The following UNC45B variants were observed in gnomAD, a reference collection of about 807,000 sequenced individuals.
UNC45B encodes protein unc-45 homolog B.
In UNC45B, 78 loss-of-function variants were observed where a neutral mutation model predicts 98.7. The observed-to-expected ratio is 0.79, with a 90% confidence interval of 0.66 to 0.95. The LOEUF is 0.95. Ranked by LOEUF, UNC45B falls within the 40% of genes least tolerant of loss-of-function variation. The pLI is 0.00. For missense variants in UNC45B, 1,225 were observed against 1,184.9 expected, an observed-to-expected ratio of 1.03 and a Z score of -0.50; for synonymous variants, 462 against 480.4, an observed-to-expected ratio of 0.96 and a Z score of 0.50.
rs369703871 is a variant in UNC45B, at chr17:35,180,706, G to A, written c.2373+30G>A. The A allele has an allele frequency of 1.5e-4, 239 of 1,589,214 alleles. 1 individual carries two copies. The highest frequency in any genetic ancestry group is 1.9e-4 in the Non-Finnish European group (217 of 1,160,012). ...GGCAGGGGCTCAGGATGGAGACCCGGGCGTGATCAAGGCACGAGAGGCAGG... is the reference window on the plus strand; with the variant it reads ...GGCAGGGGCTCAGGATGGAGACCCGAGCGTGATCAAGGCACGAGAGGCAGG... On this transcript the variant is annotated intron_variant, in intron 18 of 19. Coordinates refer to ENST00000394570, the MANE Select transcript of UNC45B (RefSeq NM_001267052.2).
intron 3 of UNC45B, 59 bp from the exon 4 acceptor site, chr17:35,149,989 G>T: frequency 7.4e-6 from 11 of 1,489,314 alleles, no homozygotes; most frequent in Non-Finnish European, 9.8e-6. Flanking sequence ...TGGGGCAGTG[G>T]GGCTGGTGGT....
chr17:35,154,985 G>C (rs2092048248), intron 6 of UNC45B, among the ~76,000 whole-genome samples: 1 of 152,220 alleles, frequency 6.6e-6, no homozygotes, highest in Non-Finnish European at 1.5e-5. Context: ...TTCATGCTAA[G>C]TCTTTGAAAC....
chr17:35,157,211 C>A (rs1174515361), intron 7 of UNC45B, among the ~76,000 whole-genome samples: 1 of 151,844 alleles, frequency 6.6e-6, no homozygotes, highest in Non-Finnish European at 1.5e-5. Flanking sequence ...TCTATGCTTG[C>A]ATTTATAATT....
rs34242925 is a variant in UNC45B at position 35,180,630 on chromosome 17, G to A, written c.2327G>A (p.Arg776Gln). ...ATGTTTGAGAATCATGATCAGCTGC[G>A]GCAGGCGGCCACCGAGTGCATGTGC... ...NYMFENHDQL[R>Q]QAATECMCNM... The change falls in exon 18 of 20, where the codon CGG (arginine) becomes CAG (glutamine). Residue 776 changes from arginine (R) to glutamine (Q), a missense_variant. By Grantham distance (43) the Arg-to-Gln change is conservative. Coordinates refer to ENST00000394570, the MANE Select transcript of UNC45B (RefSeq NM_001267052.2). The A allele has an allele frequency of 8.9e-5, 144 of 1,613,664 alleles. No homozygotes were observed. Among genetic ancestry groups the A allele is most frequent in the African/African-American group, 6.8e-4 (51 of 74,884 alleles).
chr17:35,182,976 T>C lies in UNC45B; in HGVS notation c.2374-451T>C, dbSNP rs532982350. On this transcript the variant is annotated intron_variant, in intron 18 of 19. Transcript: ENST00000394570. ...ATCTCTCACCTGGTGGAGACGGCAC[T>C]GTAGCTTTCTAATACCAAGCAAACC... is the stretch of plus-strand genomic sequence containing the variant. Among the ~76,000 whole-genome samples, 255 of 152,116 alleles carry C rather than the reference T, an allele frequency of 1.7e-3. 1 individual carries two copies. Among genetic ancestry groups the C allele is most frequent in the African/African-American group, 6.0e-3 (249 of 41,482 alleles).
intron 3 of UNC45B, 60 bp from the exon 4 acceptor site, chr17:35,149,988 G>A: frequency 6.7e-7 from 1 of 1,487,162 alleles, no homozygotes; most frequent in East Asian, 2.4e-5. Context: ...TTGGGGCAGT[G>A]GGGCTGGTGG....
intron 18 of UNC45B, among the ~76,000 whole-genome samples, chr17:35,182,195 T>C (rs2092278271): frequency 1.3e-5 from 2 of 151,760 alleles, no homozygotes; most frequent in Admixed American, 6.6e-5. Context: ...GTTCAAGCAA[T>C]TGTCCTGCCT....
At chr17:35,166,401 A>C (rs1432456026) in intron 9 of UNC45B, among the ~76,000 whole-genome samples, 1 of 152,070 alleles carries the variant, frequency 6.6e-6, no homozygotes, top group Non-Finnish European at 1.5e-5. Context: ...TCTCTACCTC[A>C]GTTTCAACTT....
chr17:35,153,596 A>G (rs2092036751), intron 5 of UNC45B, among the ~76,000 whole-genome samples: 1 of 151,932 alleles, frequency 6.6e-6, no homozygotes, highest in African/African-American at 2.4e-5. Context: ...TGTTAGTTTT[A>G]TGTTCAATAA....
In UNC45B at chr17:35,186,707, T is replaced by C. The variant is rs966517451; in HGVS notation, c.*148T>C. On this transcript the variant is annotated 3_prime_UTR_variant, in exon 20 of 20. Transcript: ENST00000394570. The stretch of plus-strand genomic sequence containing the variant: ...AGGAAAGACTTGATTGTTCTCTGAG[T>C]TGTGAGTCTTCTCCTTTGTCCTGAC... 3.4e-6 allele frequency: 3 copies of C among 890,790 alleles called. No individual in the cohort carries two copies. The highest frequency in any genetic ancestry group is 5.0e-6 in the Non-Finnish European group (3 of 603,638). 55.2% of individuals were successfully genotyped at this position (890,790 alleles called of 1,614,324 possible).
chr17:35,166,113 T>TAAAAAAAAAAAAAAAAAAAAAAAAAAAAA (rs1435189350), intron 9 of UNC45B, among the ~76,000 whole-genome samples: 186 of 88,860 alleles, frequency 2.1e-3, no homozygotes, highest in Middle Eastern at 5.7e-3. Context: ...AAAAAAAAAT[T>TAAAAAAAAAAAAAAAAAAAAAAAAAAAAA]AAAAATGAGT....
chr17:35,165,436 C>T (rs921604020), intron 9 of UNC45B, among the ~76,000 whole-genome samples: 1 of 152,176 alleles, frequency 6.6e-6, no homozygotes, highest in Non-Finnish European at 1.5e-5. Flanking sequence ...CCTCTTGACT[C>T]GGTAGTTTGG....
chr17:35,174,314 A>G lies in UNC45B; in HGVS notation c.1903A>G (p.Met635Val), dbSNP rs2092211021. 1.2e-6 allele frequency: 2 copies of G among 1,614,058 alleles called. No individual in the cohort carries two copies. The highest frequency in any genetic ancestry group is 1.7e-6 in the Non-Finnish European group (2 of 1,180,042). ...GGGTGTCATCTCTGCCCTGGCTTGC[A>G]TGGTGAAAGCAGATAGTGCCATCCT... is the stretch of plus-strand genomic sequence containing the variant. ...KAGVISALAC[M>V]VKADSAILTD... Residue 635 changes from methionine to valine, a missense_variant, in exon 14 of 20, where the codon ATG becomes GTG. Physicochemically the swap from Met to Val is conservative, Grantham distance 21. Transcript: ENST00000394570.
chr17:35,176,508 C>T (rs772068349), intron 15 of UNC45B, among the ~76,000 whole-genome samples: 9 of 152,018 alleles, frequency 5.9e-5, no homozygotes, highest in Non-Finnish European at 1.2e-4. Flanking sequence ...GCTGCAACTC[C>T]GTCTCTATTA....
chr17:35,164,801 A>C (rs2092126661), intron 9 of UNC45B, among the ~76,000 whole-genome samples: 1 of 152,060 alleles, frequency 6.6e-6, no homozygotes, highest in Admixed American at 6.6e-5. Flanking sequence ...AGCTCACTGC[A>C]GCCTCGAACT....
chr17:35,169,562 A>G (rs538706685), intron 10 of UNC45B, among the ~76,000 whole-genome samples: 1 of 152,130 alleles, frequency 6.6e-6, no homozygotes, highest in Non-Finnish European at 1.5e-5. Context: ...TCAAAATGGC[A>G]GGCACAATAC....
intron 6 of UNC45B, 91 bp downstream of exon 6, chr17:35,154,832 A>G: frequency 7.3e-7 from 1 of 1,365,856 alleles, no homozygotes; most frequent in Non-Finnish European, 9.6e-7. Context: ...GGCTGGCATC[A>G]ATGGAACCAG....
At chr17:35,161,886 G>A (rs1015835627) in intron 8 of UNC45B, among the ~76,000 whole-genome samples, 1 of 152,072 alleles carries the variant, frequency 6.6e-6, no homozygotes, top group Non-Finnish European at 1.5e-5. Flanking sequence ...TTAATCAACC[G>A]TGCCTACATA....
rs1003100376 is a variant in UNC45B, at chr17:35,188,089, T to A, written c.*1530T>A. On this transcript the variant is annotated 3_prime_UTR_variant, in exon 20 of 20. Transcript: ENST00000394570. Reference sequence around the variant, plus strand: ...AATACCCGCTGTACCTCTAGAGAACTAAAACCTTAATTTCTCAGATCTTTT... The same window carrying A: ...AATACCCGCTGTACCTCTAGAGAACAAAAACCTTAATTTCTCAGATCTTTT... 2.6e-5 allele frequency: 4 copies of A among 152,222 alleles called. No individual in the cohort carries two copies. Among genetic ancestry groups the A allele is most frequent in the Non-Finnish European group, 5.9e-5 (4 of 68,036 alleles). 9.4% of individuals were successfully genotyped at this position (152,222 alleles called of 1,614,324 possible). A position where few individuals can be genotyped will look rare whatever the true frequency, so the allele number is the denominator to read the frequency against.
Sources: gnomAD v4.1 joint callset for allele counts (sites outside exome capture counted in the v4.1 genomes callset) on GRCh38, gnomAD v4.1.1 for gene constraint, MANE v1.5 for transcripts, NCBI Gene and HGNC (gene_info 2026-07-23, HGNC 2026-07-21) for gene names.